VPS13D: variants seen among roughly 807,000 people sequenced by gnomAD.
VPS13D encodes vacuolar protein sorting 13 homolog D.
In VPS13D, 187 loss-of-function variants were observed where a neutral mutation model predicts 461.9. The observed-to-expected ratio is 0.40, with a 90% CI of 0.36 to 0.46. VPS13D has a LOEUF of 0.46. VPS13D is among the 20% of genes least tolerant of loss of function. VPS13D has a pLI of 0.60. For missense variants in VPS13D, 4,711 were observed against 5,364.9 expected, an observed-to-expected ratio of 0.88 and a Z score of 3.81; for synonymous variants, 1,951 against 1,986.3, an observed-to-expected ratio of 0.98 and a Z score of 0.47.
chr1:12,258,167 C>A, intron 10 of VPS13D, 64 bp downstream of exon 10: 1 of 1,580,918 alleles, frequency 6.3e-7, no homozygotes, highest in East Asian at 2.3e-5. Context: ...CTCTCAAAGA[C>A]TAAAGAAAAT....
chr1:12,273,754 A>G (rs560210747), intron 18 of VPS13D, among the ~76,000 whole-genome samples: 12 of 152,212 alleles, frequency 7.9e-5, no homozygotes, highest in Non-Finnish European at 1.3e-4. Flanking sequence ...TAGCCGAATA[A>G]TAGTCCATCG....
chr1:12,335,372 A>G (rs530604437), intron 38 of VPS13D, among the ~76,000 whole-genome samples: 2 of 152,306 alleles, frequency 1.3e-5, no homozygotes, highest in South Asian at 2.1e-4. Context: ...CGGCCTCCAT[A>G]TAAATTTTAG....
chr1:12,359,295 A>G (rs1334552132), intron 50 of VPS13D, among the ~76,000 whole-genome samples: 1 of 152,152 alleles, frequency 6.6e-6, no homozygotes, highest in African/African-American at 2.4e-5. Context: ...TCAGTATATA[A>G]TTTCCCAGCC....
At chr1:12,418,455 T>A (rs547323472) in intron 65 of VPS13D, among the ~76,000 whole-genome samples, 1 of 152,236 alleles carries the variant, frequency 6.6e-6, no homozygotes, top group African/African-American at 2.4e-5. Flanking sequence ...AGTTAACATA[T>A]TTTATTAAAT....
At chr1:12,275,693 C>A in intron 18 of VPS13D, 132 bp from the exon 19 acceptor site, 1 of 863,814 alleles carries the variant, frequency 1.2e-6, no homozygotes, top group Non-Finnish European at 1.7e-6. Context: ...AGATATTATG[C>A]TTAAGAGTTT....
intron 27 of VPS13D, 88 bp downstream of exon 27, chr1:12,308,729 A>C: frequency 8.1e-7 from 1 of 1,233,258 alleles, no homozygotes; most frequent in South Asian, 1.4e-5. Flanking sequence ...GGCTCACTGC[A>C]ACCTCCACCT....
At position 12,276,458 on chromosome 1, in the gene VPS13D, C is replaced by T. The variant is rs1432718344; in HGVS notation, c.2870C>T (p.Ala957Val). 13 of 1,614,010 alleles carry T rather than the reference C, an allele frequency of 8.1e-6. No individual in the cohort carries two copies. Among genetic ancestry groups the T allele is most frequent in the South Asian group, 1.1e-5 (1 of 91,076 alleles). The change falls in exon 19 of 70, where the codon GCG becomes GTG. Residue 957 changes from alanine to valine, a missense_variant. Around this residue, in one of 3 missense-constraint regions of VPS13D, gnomAD observed 4,411 missense variants for 4,937.8 expected, o/e 0.89. Coordinates refer to ENST00000620676, the MANE Select transcript of VPS13D (RefSeq NM_015378.4). The surrounding 1 kb of genome is among the most constrained non-coding windows in gnomAD (Gnocchi z 4.5). ...CTGGTGGAGTCGCAGCTCCTCCTGG[C>T]GGAATTTAAAGTGAACTGTATGCAG... ...EVLVESQLLL[A>V]EFKVNCMQLG...
Position 12,416,512 on chromosome 1 carries a change from G to A in VPS13D, c.12166-148G>A, listed in dbSNP as rs888247176. ...AAGGACAGGAGATTATTTTGCAGTT[G>A]ATGAAGATTAAAAGCTTTTAATCTC... On this transcript the variant is annotated intron_variant, in intron 64 of 69. Transcript: ENST00000620676. 1.2e-5 allele frequency: 10 copies of A among 806,604 alleles called. No individual in the cohort carries two copies. The African/African-American group carries it at 1.7e-4, about 14-fold the overall frequency. The allele number at this position is 806,604 out of a possible 1,614,324, so 50.0% of individuals were successfully genotyped here. A position where few individuals can be genotyped will look rare whatever the true frequency, so the allele number is the denominator to read the frequency against.
At chr1:12,484,559 T>C (rs1645770969) in intron 67 of VPS13D, among the ~76,000 whole-genome samples, 1 of 152,228 alleles carries the variant, frequency 6.6e-6, no homozygotes, top group Non-Finnish European at 1.5e-5. Context: ...CAGGCATAGC[T>C]TCCTCATCCA....
chr1:12,430,066 C>T (rs1272043178), intron 65 of VPS13D, among the ~76,000 whole-genome samples: 1 of 152,070 alleles, frequency 6.6e-6, no homozygotes, highest in Non-Finnish European at 1.5e-5. Flanking sequence ...CCAAACAGCC[C>T]CTTGTCTCAG....
At position 12,248,886 on chromosome 1, in the gene VPS13D, A is replaced by G. The variant is rs193168995; in HGVS notation, c.448-337A>G. Reference sequence around the variant, plus strand: ...TTAAGGTGTCTTCTGAAATGATTTAATGAAAGTATTGGAGCTCTTTTGGTA... The same window carrying G: ...TTAAGGTGTCTTCTGAAATGATTTAGTGAAAGTATTGGAGCTCTTTTGGTA... On this transcript the variant is annotated intron_variant, in intron 5 of 69. Transcript: ENST00000620676. Among the ~76,000 whole-genome samples, 5 of 152,304 alleles carry G rather than the reference A, an allele frequency of 3.3e-5. No individual in the cohort carries two copies. In the East Asian group the frequency reaches 9.6e-4, roughly 29 times the overall value.
chr1:12,244,806 C>T (rs1201625749), intron 5 of VPS13D, among the ~76,000 whole-genome samples, 189 bp downstream of exon 5: 1 of 152,166 alleles, frequency 6.6e-6, no homozygotes, highest in East Asian at 1.9e-4. Flanking sequence ...GTCCTAGGCT[C>T]TGTGGCAGAC....
At chr1:12,493,173 G>A (rs1436550339) in intron 67 of VPS13D, among the ~76,000 whole-genome samples, 3 of 133,688 alleles carry the variant, frequency 2.2e-5, no homozygotes, top group Admixed American at 7.9e-5. Flanking sequence ...CAGTCCTAAA[G>A]ACCAGTTATT....
intron 65 of VPS13D, among the ~76,000 whole-genome samples, chr1:12,426,259 C>T (rs1644923867): frequency 6.6e-6 from 1 of 152,154 alleles, no homozygotes; most frequent in South Asian, 2.1e-4. Flanking sequence ...TTTCCTCCCG[C>T]CTGGCCTGGG....
rs888309236 is a variant in VPS13D, at chr1:12,495,644, C to G, written c.12663-1856C>G. On this transcript the variant is annotated intron_variant, in intron 67 of 69. Transcript: ENST00000620676. The surrounding 1 kb of genome is among the most constrained non-coding windows in gnomAD (Gnocchi z 4.0). Reference sequence around the variant, plus strand: ...ATATATTGAATTTGAGCCTGCAGGCCTCCCAGTTGATTGGGGAAGATATGT... The same window carrying G: ...ATATATTGAATTTGAGCCTGCAGGCGTCCCAGTTGATTGGGGAAGATATGT... 1.3e-5 allele frequency among the ~76,000 whole-genome samples: 2 copies of G among 152,182 alleles called. No homozygotes were observed. The highest frequency in any genetic ancestry group is 2.9e-5 in the Non-Finnish European group (2 of 68,034).
At chr1:12,418,592 C>G (rs941714394) in intron 65 of VPS13D, among the ~76,000 whole-genome samples, 4 of 152,182 alleles carry the variant, frequency 2.6e-5, no homozygotes, top group Non-Finnish European at 5.9e-5. Context: ...AACAATAGGA[C>G]TTCCTCACTG....
In VPS13D at chr1:12,506,970, C is replaced by T. The variant is rs772311177; in HGVS notation, c.12912C>T (p.Tyr4304=). 1.2e-5 allele frequency: 19 copies of T among 1,614,166 alleles called. No individual in the cohort carries two copies. The South Asian group carries it at 1.3e-4, about 11-fold the overall frequency. ...DREAIFLEVK[Y]DDLYHCLVSK... Reference sequence around the variant, plus strand: ...AAGCCATTTTCCTAGAAGTCAAATACGATGACCTCTACCACTGCCTTGTCT... The same window carrying T: ...AAGCCATTTTCCTAGAAGTCAAATATGATGACCTCTACCACTGCCTTGTCT... Residue 4304 remains tyrosine, a synonymous_variant, in exon 69 of 70, where the codon TAC becomes TAT. Coordinates refer to ENST00000620676, the MANE Select transcript of VPS13D (RefSeq NM_015378.4).
intron 22 of VPS13D, 23 bp downstream of exon 22, chr1:12,288,336 A>G: frequency 1.9e-6 from 3 of 1,608,380 alleles, no homozygotes; most frequent in Non-Finnish European, 2.6e-6. Context: ...GGGTGGAGGG[A>G]AGCAAACTTG....
chr1:12,377,677 A>G (rs1256872627), intron 55 of VPS13D, among the ~76,000 whole-genome samples: 2 of 151,794 alleles, frequency 1.3e-5, no homozygotes, highest in African/African-American at 4.8e-5. Flanking sequence ...AAAATCAGCC[A>G]GGCGTGATGG....
Sources: gnomAD v4.1 joint callset for allele counts (sites outside exome capture counted in the v4.1 genomes callset) on GRCh38, gnomAD v4.1.1 for gene constraint, gnomAD v4.1.1 regional missense constraint, Gnocchi (gnomAD v3.1) non-coding constraint, MANE v1.5 for transcripts, NCBI Gene and HGNC (gene_info 2026-07-23, HGNC 2026-07-21) for gene names.